Variants in PRKCE observed in about 807,000 individuals in gnomAD.
The protein encoded by PRKCE is protein kinase C epsilon, also known as protein kinase C epsilon type.
Under a neutral mutation model 85.4 loss-of-function variants are expected in PRKCE, and 16 were observed. That is an observed-to-expected ratio of 0.19 (90% CI 0.13 to 0.28). The LOEUF (loss-of-function observed/expected upper bound fraction) is 0.28, where lower values mean the gene tolerates loss of function less well. Ranked by LOEUF, PRKCE falls within the 10% of genes least tolerant of loss-of-function variation. The pLI is 1.00. For synonymous variants in PRKCE, 388 were observed against 371.5 expected, an observed-to-expected ratio of 1.04 and a Z score of -0.51; for missense variants, 573 against 975.2, an observed-to-expected ratio of 0.59 and a Z score of 5.49.
At chr2:45,828,146 A>G (rs1247713087) in intron 1 of PRKCE, among the ~76,000 whole-genome samples, 1 of 152,256 alleles carries the variant, frequency 6.6e-6, no homozygotes, top group Non-Finnish European at 1.5e-5. Context: ...TTAAAAGGTA[A>G]CATTGTCTGG....
chr2:46,148,167 G>C (rs1032191662), intron 12 of PRKCE, among the ~76,000 whole-genome samples: 3 of 152,198 alleles, frequency 2.0e-5, no homozygotes, highest in Non-Finnish European at 4.4e-5. Context: ...CTGCTTCCCA[G>C]GAAGTGGCCA....
intron 10 of PRKCE, among the ~76,000 whole-genome samples, chr2:46,039,970 G>A (rs1319096704): frequency 6.6e-6 from 1 of 152,234 alleles, no homozygotes; most frequent in Non-Finnish European, 1.5e-5. Flanking sequence ...ATGCTTGCAA[G>A]CCTGTGCTGT....
intron 2 of PRKCE, among the ~76,000 whole-genome samples, chr2:45,858,947 G>C (rs1452958015): frequency 6.6e-6 from 1 of 151,622 alleles, no homozygotes; most frequent in African/African-American, 2.4e-5. Context: ...AGGCTGAGGC[G>C]GGAGAATCAC....
intron 2 of PRKCE, among the ~76,000 whole-genome samples, chr2:45,933,883 G>A (rs2104092500): frequency 6.6e-6 from 1 of 152,260 alleles, no homozygotes; most frequent in South Asian, 2.1e-4. Context: ...ATGTTAACTT[G>A]GTAACAGGGT....
chr2:45,949,270 A>G (rs187919572), intron 2 of PRKCE, among the ~76,000 whole-genome samples: 1 of 152,308 alleles, frequency 6.6e-6, no homozygotes, highest in Non-Finnish European at 1.5e-5. Context: ...TAACCCTTTA[A>G]TGTCAGATTT....
intron 2 of PRKCE, among the ~76,000 whole-genome samples, chr2:45,846,277 A>G (rs1691781206): frequency 6.6e-6 from 1 of 152,146 alleles, no homozygotes; most frequent in Non-Finnish European, 1.5e-5. Flanking sequence ...TGTAATTTGC[A>G]TATTATTTCT....
Position 46,068,024 on chromosome 2 carries a change from G to A in PRKCE, c.1438-18184G>A, listed in dbSNP as rs1558416415. On this transcript the variant is annotated intron_variant, in intron 10 of 14. Coordinates refer to ENST00000306156, the MANE Select transcript of PRKCE (RefSeq NM_005400.3). This position sits in a 1 kb window ranked among gnomAD's most constrained non-coding sequence, Gnocchi z 4.3. ...TACTGGCTTACTGATTATATCACTCGCGAAGGGATTAGTCAGAAGGCAATG... is the reference window on the plus strand; with the variant it reads ...TACTGGCTTACTGATTATATCACTCACGAAGGGATTAGTCAGAAGGCAATG... 1.3e-5 allele frequency among the ~76,000 whole-genome samples: 2 copies of A among 152,054 alleles called. No homozygotes were observed. The highest frequency in any genetic ancestry group is 2.4e-5 in the African/African-American group (1 of 41,408).
chr2:45,966,164 C>T (rs1330029571), intron 2 of PRKCE, among the ~76,000 whole-genome samples: 1 of 152,132 alleles, frequency 6.6e-6, no homozygotes, highest in Non-Finnish European at 1.5e-5. Context: ...AGTTATTTAA[C>T]CTCTTTGTGC....
At chr2:46,033,015 C>G (rs1440698703) in intron 10 of PRKCE, among the ~76,000 whole-genome samples, 4 of 152,090 alleles carry the variant, frequency 2.6e-5, no homozygotes, top group Admixed American at 1.3e-4. Flanking sequence ...CTGGAGCCAT[C>G]CAGTTGGAGG....
chr2:46,171,602 T>A (rs1178801615), intron 14 of PRKCE, among the ~76,000 whole-genome samples: 1 of 152,168 alleles, frequency 6.6e-6, no homozygotes, highest in African/African-American at 2.4e-5. Context: ...CCAGCCTGCC[T>A]GTTAGACAAG....
chr2:46,032,321 C>T (rs1225884123), intron 10 of PRKCE, among the ~76,000 whole-genome samples: 1 of 152,138 alleles, frequency 6.6e-6, no homozygotes, highest in African/African-American at 2.4e-5. Flanking sequence ...TGTGCCCTTC[C>T]TGTTCCTGAC....
rs1333419903 is a variant in PRKCE, at chr2:45,882,569, A to G, written c.412+39506A>G. 2.6e-5 allele frequency among the ~76,000 whole-genome samples: 4 copies of G among 152,248 alleles called. No homozygotes were observed. In the East Asian group the frequency reaches 5.8e-4, roughly 22 times the overall value. On this transcript the variant is annotated intron_variant, in intron 2 of 14. Transcript: ENST00000306156. ...GGAAAATCATCACTGCAGAATAAACAGTTGTTGACTAGCTTTCTACTAGAT... is the reference window on the plus strand; with the variant it reads ...GGAAAATCATCACTGCAGAATAAACGGTTGTTGACTAGCTTTCTACTAGAT...
In PRKCE at chr2:45,976,442, T is replaced by C. The variant is rs1702460233; in HGVS notation, c.426T>C (p.Asn142=). The C allele has an allele frequency of 1.3e-6, 2 of 1,599,574 alleles. No individual in the cohort carries two copies. The highest frequency in any genetic ancestry group is 2.7e-5 in the African/African-American group (2 of 74,906). ...SGSSGEAPKD[N]EERVFRERMR... ...GTCCTTCCCCAGCCCCTAAAGACAA[T>C]GAAGAGCGTGTGTTCAGGGAACGCA... The change falls in exon 3 of 15, where the codon AAT becomes AAC. Residue 142 remains asparagine, a synonymous_variant. Transcript: ENST00000306156.
At chr2:46,026,590 C>T (rs1248608370) in intron 10 of PRKCE, among the ~76,000 whole-genome samples, 1 of 152,170 alleles carries the variant, frequency 6.6e-6, no homozygotes, top group African/African-American at 2.4e-5. Flanking sequence ...ATGTGGTTGA[C>T]AACCTGTATC....
rs931729323 is a variant in PRKCE at position 45,868,337 on chromosome 2, A to G, written c.412+25274A>G. Among the ~76,000 whole-genome samples the G allele has an allele frequency of 6.7e-5, 10 of 149,900 alleles. 1 individual carries two copies. The highest frequency in any genetic ancestry group is 2.4e-4 in the African/African-American group (10 of 40,944). ...TCCTGTCCAAAAAAAAAAAAAAAAA[A>G]AAAAACTTTTTAGGGCAGTTAGTCC... is the stretch of plus-strand genomic sequence containing the variant. On this transcript the variant is annotated intron_variant, in intron 2 of 14. Transcript: ENST00000306156.
intron 1 of PRKCE, among the ~76,000 whole-genome samples, chr2:45,764,752 G>T (rs1323831984): frequency 1.3e-5 from 2 of 152,112 alleles, no homozygotes; most frequent in African/African-American, 4.8e-5. Flanking sequence ...TGAGGCTGGG[G>T]TTACTATTAT....
chr2:45,661,778 A>T (rs576044255), intron 1 of PRKCE, among the ~76,000 whole-genome samples: 16 of 150,728 alleles, frequency 1.1e-4, no homozygotes, highest in Non-Finnish European at 1.9e-4. Flanking sequence ...TCACCTCATG[A>T]TCCACCCGCC....
intron 2 of PRKCE, among the ~76,000 whole-genome samples, chr2:45,951,682 C>T (rs1700631213): frequency 6.6e-6 from 1 of 152,248 alleles, no homozygotes; most frequent in South Asian, 2.1e-4. Context: ...AAAGGCTGAG[C>T]ACTTTTGTAC....
chr2:46,136,058 C>T (rs1674964220), intron 11 of PRKCE, among the ~76,000 whole-genome samples: 1 of 152,128 alleles, frequency 6.6e-6, no homozygotes, highest in South Asian at 2.1e-4. Context: ...TGTCCCAAAA[C>T]AAGCAGGATT....
Sources: allele counts gnomAD v4.1 joint callset (sites outside exome capture counted in the v4.1 genomes callset), GRCh38; gene constraint gnomAD v4.1.1; non-coding constraint Gnocchi (gnomAD v3.1); transcripts MANE v1.5; gene names NCBI Gene and HGNC (gene_info 2026-07-23, HGNC 2026-07-21).